PKHD1: variants seen among roughly 807,000 people sequenced by gnomAD.
PKHD1 encodes PKHD1 ciliary IPT domain containing fibrocystin/polyductin, also known as fibrocystin.
A neutral mutation model predicts 412.0 loss-of-function variants in PKHD1; 291 were observed. The ratio of observed to expected loss-of-function variants is 0.71; its 90% CI spans 0.64 to 0.78. The LOEUF (loss-of-function observed/expected upper bound fraction) is 0.78, where lower values mean the gene tolerates loss of function less well. PKHD1 is among the 30% of genes least tolerant of loss of function. PKHD1 has a pLI of 0.00. For synonymous variants in PKHD1, 1,777 were observed against 1,821.5 expected, an observed-to-expected ratio of 0.98 and a Z score of 0.62; for missense variants, 4,825 against 4,950.7, an observed-to-expected ratio of 0.97 and a Z score of 0.76.
intron 35 of PKHD1, among the ~76,000 whole-genome samples, chr6:51,983,993 C>G (rs1256870846): frequency 6.6e-6 from 1 of 152,168 alleles, no homozygotes; most frequent in Non-Finnish European, 1.5e-5. Context: ...TAATTGTTTT[C>G]AAGTCTAGCA....
At chr6:51,891,523 C>G (rs1779120393) in intron 43 of PKHD1, among the ~76,000 whole-genome samples, 1 of 152,236 alleles carries the variant, frequency 6.6e-6, no homozygotes, top group South Asian at 2.1e-4. Context: ...AGGTGATCCG[C>G]CCACCTTGGC....
rs59379021 is a variant in PKHD1, at chr6:51,777,679, GAAAAAAAAAAAAAAAAAAAA to G, written c.8441-1778_8441-1759del. On this transcript the variant is annotated intron_variant, in intron 53 of 66. Transcript: ENST00000371117. The stretch of plus-strand genomic sequence containing the variant: ...ACGGAGGGTAGTTTAGAGTCTTTGG[GAAAAAAAAAAAAAAAAAAAA>G]AAAAAAAAAAAAAAGTGGCCTAGCA... 2.7e-3 allele frequency among the ~76,000 whole-genome samples: 323 copies of G among 118,736 alleles called. 1 individual carries two copies. Among genetic ancestry groups the G allele is most frequent in the African/African-American group, 5.7e-3 (166 of 29,254 alleles). The allele number at this position is 118,736 out of a possible 152,430, so 77.9% of individuals were successfully genotyped here. A position where few individuals can be genotyped will look rare whatever the true frequency, so the allele number is the denominator to read the frequency against.
At chr6:51,742,847 T>C (rs1049612332) in intron 60 of PKHD1, among the ~76,000 whole-genome samples, 1 of 152,136 alleles carries the variant, frequency 6.6e-6, no homozygotes, top group Non-Finnish European at 1.5e-5. Flanking sequence ...AAAAATGATC[T>C]CATGATTATT....
chr6:51,811,274 C>A (rs947595881), intron 52 of PKHD1, among the ~76,000 whole-genome samples: 2 of 152,084 alleles, frequency 1.3e-5, no homozygotes, highest in Admixed American at 6.6e-5. Context: ...TGAAAAAATT[C>A]TCCCACTTGA....
At chr6:51,980,516 A>G (rs142689553) in intron 35 of PKHD1, among the ~76,000 whole-genome samples, 2 of 152,354 alleles carry the variant, frequency 1.3e-5, no homozygotes, top group African/African-American at 4.8e-5. Context: ...TGAGCCAGGT[A>G]CTGTGCTAGA....
chr6:51,971,690 T>G (rs1583632082), intron 35 of PKHD1, among the ~76,000 whole-genome samples: 1 of 146,106 alleles, frequency 6.8e-6, no homozygotes, highest in South Asian at 2.2e-4. Flanking sequence ...GTTTGTTTTT[T>G]GGGTTGGTTT....
intron 53 of PKHD1, among the ~76,000 whole-genome samples, chr6:51,782,791 A>C (rs1337727725): frequency 6.6e-6 from 1 of 152,218 alleles, no homozygotes; most frequent in South Asian, 2.1e-4. Context: ...CTGGCTGCTC[A>C]ATGGGTCTGA....
Position 51,909,301 on chromosome 6 carries a change from G to C in PKHD1, c.6664C>G (p.Leu2222Val). 6.2e-7 allele frequency: 1 copy of C among 1,613,034 alleles called. No individual in the cohort carries two copies. The highest frequency in any genetic ancestry group is 8.5e-7 in the Non-Finnish European group (1 of 1,179,194). Residue 2222 changes from leucine to valine, a missense_variant, in exon 40 of 67, where the codon CTG becomes GTG. Transcript: ENST00000371117. ...CCCTTACCTCTCATAGCTCCCACCA[G>C]AGTGAGTGAGCTCAGATGCTTATGG... ...AFHKHLSSLT[L>V]VGAMRESFIQ...
chr6:52,016,833 T>C (rs1440054529), intron 34 of PKHD1, among the ~76,000 whole-genome samples: 1 of 152,200 alleles, frequency 6.6e-6, no homozygotes, highest in African/African-American at 2.4e-5. Flanking sequence ...ACTTCTTTTT[T>C]ATTTGTTTAG....
intron 57 of PKHD1, among the ~76,000 whole-genome samples, chr6:51,749,312 T>C (rs868217685): frequency 2.2e-4 from 34 of 152,206 alleles, no homozygotes; most frequent in African/African-American, 7.7e-4. Flanking sequence ...CACTGTTTCA[T>C]TTTTATAAGA....
intron 60 of PKHD1, among the ~76,000 whole-genome samples, chr6:51,710,342 G>C (rs181926871): frequency 2.0e-5 from 3 of 152,018 alleles, no homozygotes; most frequent in Non-Finnish European, 4.4e-5. Flanking sequence ...AGTGGATAAG[G>C]CTCCTTTGAA....
chr6:52,050,602 T>C (rs1806660358), intron 21 of PKHD1, among the ~76,000 whole-genome samples: 1 of 152,206 alleles, frequency 6.6e-6, no homozygotes, highest in African/African-American at 2.4e-5. Context: ...CCTACACAGT[T>C]AATCTATTGC....
At chr6:52,071,198 G>T in intron 8 of PKHD1, 128 bp from the exon 9 acceptor site, 1 of 729,606 alleles carries the variant, frequency 1.4e-6, no homozygotes. Flanking sequence ...GACAGAGAAA[G>T]TATAATGAGT....
chr6:51,714,566 C>T (rs539935713), intron 60 of PKHD1, among the ~76,000 whole-genome samples: 3 of 152,162 alleles, frequency 2.0e-5, no homozygotes, highest in South Asian at 2.1e-4. Context: ...AGCCACTTAC[C>T]GTATATGGCT....
chr6:51,668,298 T>C (rs909338203), intron 60 of PKHD1, among the ~76,000 whole-genome samples: 30 of 152,220 alleles, frequency 2.0e-4, no homozygotes, highest in Non-Finnish European at 3.4e-4. Flanking sequence ...TTTTATTCTC[T>C]TTGAAGCAAT....
At chr6:52,074,837 C>T (rs577947883) in intron 6 of PKHD1, among the ~76,000 whole-genome samples, 2 of 152,196 alleles carry the variant, frequency 1.3e-5, no homozygotes, top group Non-Finnish European at 2.9e-5. Context: ...TACAAAGATG[C>T]AGTCGTATGG....
Position 51,679,564 on chromosome 6 carries a change from C to T in PKHD1, c.10157-19595G>A, listed in dbSNP as rs1313101305. Among the ~76,000 whole-genome samples the T allele has an allele frequency of 4.6e-5, 7 of 151,900 alleles. No homozygotes were observed. The East Asian group carries it at 7.8e-4, about 17-fold the overall frequency. On this transcript the variant is annotated intron_variant, in intron 60 of 66. Transcript: ENST00000371117. ...ATCTGCACTGGGAATACAAAACCTT[C>T]GACTGATATTTTATATTAATCTTTT...
At position 51,836,466 on chromosome 6, in the gene PKHD1, G is replaced by T; in HGVS notation, c.8111C>A (p.Ser2704Ter). The change falls in exon 51 of 67, where the codon TCA becomes TAA. Residue 2704 changes from serine (S) to a stop codon, truncating the protein, a stop_gained. Coordinates refer to ENST00000371117, the MANE Select transcript of PKHD1 (RefSeq NM_138694.4). LOFTEE classifies it high-confidence loss of function. ...AATGACTTGAACTTGGCCTTCACCTGAAACTAAATACCAAAAGCCACAACT... is the reference window on the plus strand; with the variant it reads ...AATGACTTGAACTTGGCCTTCACCTTAAACTAAATACCAAAAGCCACAACT... ...SQLRQLTYLV[S>*]GEGQVQVILR... The T allele has an allele frequency of 6.2e-7, 1 of 1,610,516 alleles. No individual in the cohort carries two copies. The highest frequency in any genetic ancestry group is 8.5e-7 in the Non-Finnish European group (1 of 1,176,818).
chr6:51,935,389 T>G (rs1787315514), intron 36 of PKHD1, among the ~76,000 whole-genome samples: 1 of 152,240 alleles, frequency 6.6e-6, no homozygotes, highest in Non-Finnish European at 1.5e-5. Context: ...ACGTAGAATT[T>G]TCTCAATAAT....
Sources: allele counts gnomAD v4.1 joint callset (sites outside exome capture counted in the v4.1 genomes callset), GRCh38; gene constraint gnomAD v4.1.1; transcripts MANE v1.5; gene names NCBI Gene and HGNC (gene_info 2026-07-23, HGNC 2026-07-21).